The following MAPT variants were observed in gnomAD, a reference collection of about 807,000 sequenced individuals.
MAPT encodes the protein microtubule-associated protein tau.
Under a neutral mutation model 67.9 loss-of-function variants are expected in MAPT, and 34 were observed. The ratio of observed to expected loss-of-function variants is 0.50; its 90% CI spans 0.38 to 0.67. MAPT has a LOEUF of 0.67. Among genes scored for constraint, MAPT ranks in the 30% least tolerant of loss-of-function variants. The pLI, the probability that MAPT is intolerant of heterozygous loss-of-function variation, is 0.00. For missense variants in MAPT, 881 were observed against 1,115.2 expected (o/e 0.79, Z 2.99); for synonymous variants, 456 against 464.5 (o/e 0.98, Z 0.23).
At chr17:45,925,467 T>G (rs2066187072) in intron 1 of MAPT, among the ~76,000 whole-genome samples, 1 of 152,256 alleles carries the variant, frequency 6.6e-6, no homozygotes, top group East Asian at 1.9e-4. Flanking sequence ...ATAAACAGCC[T>G]TTAAAATATT....
intron 1 of MAPT, among the ~76,000 whole-genome samples, chr17:45,926,991 A>T (rs886516829): frequency 1.3e-5 from 2 of 151,614 alleles, no homozygotes; most frequent in Admixed American, 1.3e-4. Flanking sequence ...ATATATACAC[A>T]CACATACACA....
chr17:45,911,064 GT>G (rs2064752644), intron 1 of MAPT, among the ~76,000 whole-genome samples: 1 of 152,214 alleles, frequency 6.6e-6, no homozygotes, highest in Non-Finnish European at 1.5e-5. Context: ...TGGTAAATGA[GT>G]TTCTATCCTT....
rs2073185717 is a variant in MAPT, at chr17:45,983,408, C to A, written c.829C>A (p.Pro277Thr). ...AGGAGACCTGCACCAGGAGGGGCCG[C>A]CGCTGAAGGGGGCAGGGGGCAAAGA... ...LLGDLHQEGP[P>T]LKGAGGKERP... is the part of the protein sequence containing the mutation. The change falls in exon 5 of 13, where the codon CCG becomes ACG. Residue 277 changes from proline to threonine, a missense_variant. Coordinates refer to ENST00000262410, the MANE Select transcript of MAPT (RefSeq NM_001377265.1). The A allele has an allele frequency of 4.4e-6, 7 of 1,607,682 alleles. No individual in the cohort carries two copies. Among genetic ancestry groups the A allele is most frequent in the Non-Finnish European group, 5.9e-6 (7 of 1,176,664 alleles).
At chr17:45,923,873 C>A (rs113496105) in intron 1 of MAPT, among the ~76,000 whole-genome samples, 2 of 152,198 alleles carry the variant, frequency 1.3e-5, no homozygotes, top group Admixed American at 6.5e-5. Flanking sequence ...CTCAACCTCT[C>A]CATGCCTGAG....
At chr17:46,023,485 G>A (rs1397346812) in intron 12 of MAPT, among the ~76,000 whole-genome samples, 1 of 152,220 alleles carries the variant, frequency 6.6e-6, no homozygotes, top group Non-Finnish European at 1.5e-5. Context: ...GTACCTGGGT[G>A]CCTGGGAGGC....
Position 45,983,552 on chromosome 17 carries a change from G to A in MAPT, c.973G>A (p.Ala325Thr), listed in dbSNP as rs770014302. 23 of 1,612,802 alleles carry A rather than the reference G, an allele frequency of 1.4e-5. No individual in the cohort carries two copies. The highest frequency in any genetic ancestry group is 8.3e-5 in the Admixed American group (5 of 59,998). The change falls in exon 5 of 13, where the codon GCC becomes ACC. Residue 325 changes from alanine to threonine, a missense_variant. This residue lies in a region of MAPT where 687 missense variants were observed against 766.1 expected (regional missense o/e 0.90). Transcript: ENST00000262410. ...AGATGGGCGGCCTCCCCAGACAGCC[G>A]CCAGAGAAGCCACCAGCATCCCAGG... ...AQDGRPPQTA[A>T]REATSIPGFP...
At chr17:45,900,827 A>G (rs1274592371) in intron 1 of MAPT, among the ~76,000 whole-genome samples, 1 of 152,052 alleles carries the variant, frequency 6.6e-6, no homozygotes, top group Non-Finnish European at 1.5e-5. Context: ...GTCATCCACA[A>G]CTTGGAGTAT....
intron 1 of MAPT, among the ~76,000 whole-genome samples, chr17:45,955,160 C>T (rs903690486): frequency 6.6e-6 from 1 of 152,198 alleles, no homozygotes; most frequent in African/African-American, 2.4e-5. Flanking sequence ...ACAACCCACC[C>T]TTGTCCAGCT....
chr17:45,937,715 A>G (rs1249176202), intron 1 of MAPT, among the ~76,000 whole-genome samples: 1 of 151,852 alleles, frequency 6.6e-6, no homozygotes, highest in Non-Finnish European at 1.5e-5. Context: ...TGGGGCCCTC[A>G]GTGTGCACAA....
At chr17:45,912,150 T>G (rs1379245152) in intron 1 of MAPT, among the ~76,000 whole-genome samples, 1 of 152,188 alleles carries the variant, frequency 6.6e-6, no homozygotes, top group Non-Finnish European at 1.5e-5. Context: ...TAATAAGGTG[T>G]GGTCCCAGGT....
chr17:45,916,288 C>T (rs115756317), intron 1 of MAPT, among the ~76,000 whole-genome samples: 276 of 152,330 alleles, frequency 1.8e-3, no homozygotes, highest in African/African-American at 6.1e-3. Context: ...TGCGCTGTTG[C>T]GTGTGCTCTG....
intron 3 of MAPT, chr17:45,977,796 A>G (rs2072528867): frequency 6.5e-6 from 1 of 153,650 alleles, no homozygotes. Context: ...GGCACCTACC[A>G]TATGCCAGGC....
intron 10 of MAPT, among the ~76,000 whole-genome samples, chr17:46,011,458 G>A (rs536767765): frequency 5.9e-5 from 9 of 152,242 alleles, no homozygotes; most frequent in African/African-American, 2.2e-4. Context: ...TGTCCCCGGG[G>A]ACTCCGTGCA....
chr17:45,952,348 G>A (rs776910016), intron 1 of MAPT, among the ~76,000 whole-genome samples: 13 of 152,198 alleles, frequency 8.5e-5, no homozygotes, highest in Non-Finnish European at 1.9e-4. Flanking sequence ...AGGGTCCCCT[G>A]CCTCTCACCT....
intron 8 of MAPT, among the ~76,000 whole-genome samples, chr17:45,993,621 C>T (rs1343130644): frequency 1.3e-5 from 2 of 152,234 alleles, no homozygotes; most frequent in Non-Finnish European, 2.9e-5. Context: ...ACCATTTTGG[C>T]CAGCCTAGTC....
chr17:46,013,735 C>A (rs533819648), intron 10 of MAPT, among the ~76,000 whole-genome samples: 1 of 152,272 alleles, frequency 6.6e-6, no homozygotes, highest in East Asian at 1.9e-4. Context: ...CGCATCGACC[C>A]TCACAGCGCC....
At chr17:45,899,373 A>C (rs1277936999) in intron 1 of MAPT, among the ~76,000 whole-genome samples, 1 of 152,184 alleles carries the variant, frequency 6.6e-6, no homozygotes, top group Admixed American at 6.5e-5. Flanking sequence ...AATTACATTC[A>C]TTGAGTGTCT....
At chr17:45,998,411 G>A (rs1290034564) in intron 9 of MAPT, among the ~76,000 whole-genome samples, 2 of 152,212 alleles carry the variant, frequency 1.3e-5, no homozygotes, top group African/African-American at 4.8e-5. Context: ...CACAGAGGTG[G>A]AGAAGACTCG....
chr17:45,983,230 C>T lies in MAPT; in HGVS notation c.651C>T (p.Pro217=), dbSNP rs1343721029. 3 of 1,605,720 alleles carry T rather than the reference C, an allele frequency of 1.9e-6. No individual in the cohort carries two copies. Among genetic ancestry groups the T allele is most frequent in the East Asian group, 2.2e-5 (1 of 44,694 alleles). Residue 217 remains proline (P), a synonymous_variant, in exon 5 of 13, where the codon CCC becomes CCT. Transcript: ENST00000262410. The stretch of plus-strand genomic sequence containing the variant: ...AAGGCTTCCTCCGAGAGCCAGGCCC[C>T]CCAGGTCTGAGCCACCAGCTCATGT... The part of the protein sequence containing the change: ...VQEGFLREPG[P]PGLSHQLMSG...
Sources: gnomAD v4.1 joint callset for allele counts (sites outside exome capture counted in the v4.1 genomes callset) on GRCh38, gnomAD v4.1.1 for gene constraint, gnomAD v4.1.1 regional missense constraint, MANE v1.5 for transcripts, NCBI Gene and HGNC (gene_info 2026-07-23, HGNC 2026-07-21) for gene names.